IQSEC3: variants seen among roughly 807,000 people sequenced by gnomAD.
IQSEC3 encodes IQ motif and Sec7 domain ArfGEF 3.
IQSEC3 carries 50 observed loss-of-function variants against 105.4 expected under a neutral mutation model. The observed-to-expected ratio is 0.47, with a 90% CI of 0.38 to 0.60. The LOEUF (loss-of-function observed/expected upper bound fraction) is 0.60, where lower values mean the gene tolerates loss of function less well. Ranked by LOEUF, IQSEC3 falls within the 20% of genes least tolerant of loss-of-function variation. The pLI, the probability that IQSEC3 is intolerant of heterozygous loss-of-function variation, is 0.00. For synonymous variants in IQSEC3, 708 were observed against 746.0 expected (o/e 0.95, Z 0.83); for missense variants, 1,415 against 1,630.0 (o/e 0.87, Z 2.27).
intron 3 of IQSEC3, among the ~76,000 whole-genome samples, chr12:127,931 A>G (rs149593271): frequency 1.3e-3 from 197 of 152,290 alleles, no homozygotes; most frequent in African/African-American, 4.4e-3. Context: ...GCACACATCT[A>G]TAGGAGACTG....
Position 175,061 on chromosome 12 carries a change from G to C in IQSEC3, c.*28G>C, listed in dbSNP as rs761031303. Reference sequence around the variant, plus strand: ...TCTGCCCCACCACCCTGCTGTCCTGGGAGGGCTGGCCACTGGGGGGCCTGG... The same window carrying C: ...TCTGCCCCACCACCCTGCTGTCCTGCGAGGGCTGGCCACTGGGGGGCCTGG... On this transcript the variant is annotated 3_prime_UTR_variant, in exon 14 of 14. Transcript: ENST00000538872. 6.1e-6 allele frequency: 9 copies of C among 1,480,082 alleles called. No individual in the cohort carries two copies. The highest frequency in any genetic ancestry group is 2.8e-5 in the African/African-American group (2 of 71,560). 91.7% of individuals were successfully genotyped at this position (1,480,082 alleles called of 1,614,324 possible). A position where few individuals can be genotyped will look rare whatever the true frequency, so the allele number is the denominator to read the frequency against.
intron 1 of IQSEC3, among the ~76,000 whole-genome samples, chr12:75,505 T>A (rs1555068779): frequency 6.6e-6 from 1 of 152,130 alleles, no homozygotes; most frequent in Non-Finnish European, 1.5e-5. Flanking sequence ...AAGAGCATCA[T>A]GATGTGTGAT....
At chr12:129,145 G>T (rs1463890865) in intron 3 of IQSEC3, among the ~76,000 whole-genome samples, 1 of 152,370 alleles carries the variant, frequency 6.6e-6, no homozygotes, top group African/African-American at 2.4e-5. Context: ...CTGTCTGGGA[G>T]TGGGAGCTGT....
intron 5 of IQSEC3, 51 bp downstream of exon 5, chr12:141,336 GC>G: frequency 6.4e-7 from 1 of 1,572,234 alleles, no homozygotes. Flanking sequence ...CACCCCACCT[GC>G]CCGGGCTCTC....
chr12:107,855 C>T (rs1284744607), intron 2 of IQSEC3, among the ~76,000 whole-genome samples: 2 of 152,110 alleles, frequency 1.3e-5, no homozygotes, highest in Non-Finnish European at 2.9e-5. Context: ...CCAGTGACCT[C>T]CCTTACAGAG....
chr12:165,364 G>A, intron 9 of IQSEC3, 70 bp from the exon 10 acceptor site: 1 of 1,146,696 alleles, frequency 8.7e-7, no homozygotes, highest in Non-Finnish European at 1.3e-6. Flanking sequence ...GCATCCCCCG[G>A]GTGTTTGTGC....
intron 3 of IQSEC3, among the ~76,000 whole-genome samples, chr12:132,227 G>A (rs1192388118): frequency 2.6e-5 from 4 of 152,146 alleles, no homozygotes; most frequent in Admixed American, 2.0e-4. Context: ...GAGCATTGCA[G>A]GCTGGGAGAG....
At chr12:157,899 A>T (rs1866751241) in intron 7 of IQSEC3, among the ~76,000 whole-genome samples, 1 of 152,252 alleles carries the variant, frequency 6.6e-6, no homozygotes, top group South Asian at 2.1e-4. Context: ...CCACCGCTCT[A>T]CCAAACAGCA....
chr12:90,131 C>G (rs1864036570), intron 1 of IQSEC3, among the ~76,000 whole-genome samples: 2 of 152,210 alleles, frequency 1.3e-5, no homozygotes, highest in South Asian at 4.1e-4. Flanking sequence ...GTAATAGTAT[C>G]TGCTTGTGGT....
chr12:137,903 A>G (rs925219974), intron 3 of IQSEC3, among the ~76,000 whole-genome samples: 19 of 151,822 alleles, frequency 1.3e-4, no homozygotes, highest in African/African-American at 4.3e-4. Context: ...AGCTCAAGCA[A>G]TCTTCTCTCC....
chr12:98,523 G>T (rs1298474402), intron 1 of IQSEC3, among the ~76,000 whole-genome samples: 3 of 152,194 alleles, frequency 2.0e-5, no homozygotes, highest in African/African-American at 4.8e-5. Flanking sequence ...CCCAGAAAAG[G>T]TTAGCCTCGT....
chr12:70,209 CT>C (rs1472643632), intron 1 of IQSEC3, among the ~76,000 whole-genome samples: 2 of 152,262 alleles, frequency 1.3e-5, no homozygotes, highest in African/African-American at 2.4e-5. Context: ...CACAGTTTGA[CT>C]TTTATCCCCA....
At position 175,117 on chromosome 12, in the gene IQSEC3, C is replaced by A; in HGVS notation, c.*84C>A. ...CCCTCCACTGCTCCCCATACCCTGG[C>A]ACGATGCGTTCCTGGTCACTGATCA... On this transcript the variant is annotated 3_prime_UTR_variant, in exon 14 of 14. Coordinates refer to ENST00000538872, the MANE Select transcript of IQSEC3 (RefSeq NM_001170738.2). 1.9e-6 allele frequency: 2 copies of A among 1,050,486 alleles called. No homozygotes were observed. Among genetic ancestry groups the A allele is most frequent in the Non-Finnish European group, 1.3e-6 (1 of 749,340 alleles). 65.1% of individuals were successfully genotyped at this position (1,050,486 alleles called of 1,614,324 possible). A position where few individuals can be genotyped will look rare whatever the true frequency, so the allele number is the denominator to read the frequency against.
chr12:92,378 T>C (rs1223995663), intron 1 of IQSEC3, among the ~76,000 whole-genome samples: 1 of 152,172 alleles, frequency 6.6e-6, no homozygotes, highest in African/African-American at 2.4e-5. Context: ...GGCCACAGCC[T>C]TGGGCTGTGG....
chr12:166,366 T>G, intron 11 of IQSEC3: 1 of 160,406 alleles, frequency 6.2e-6, no homozygotes, highest in Non-Finnish European at 1.4e-5. Flanking sequence ...AACATTGTCC[T>G]TTTGAAGAGT....
chr12:143,957 A>AGAGCAAGG (rs1307079608), intron 5 of IQSEC3: 2 of 153,754 alleles, frequency 1.3e-5, no homozygotes, highest in African/African-American at 4.8e-5. Flanking sequence ...GAGAGTGAGA[A>AGAGCAAGG]GAGCAAGGGG....
chr12:121,022 G>A (rs1565410512), intron 2 of IQSEC3, among the ~76,000 whole-genome samples: 1 of 152,008 alleles, frequency 6.6e-6, no homozygotes, highest in African/African-American at 2.4e-5. Flanking sequence ...TGCAGCCTAA[G>A]AGAGTGGAGA....
chr12:96,536 A>G (rs1864247204), intron 1 of IQSEC3, among the ~76,000 whole-genome samples: 1 of 152,250 alleles, frequency 6.6e-6, no homozygotes, highest in Admixed American at 6.5e-5. Flanking sequence ...GCCAATATAT[A>G]TAAAAGAAAT....
intron 2 of IQSEC3, among the ~76,000 whole-genome samples, chr12:117,439 G>C (rs1865083824): frequency 6.6e-6 from 1 of 152,256 alleles, no homozygotes; most frequent in Non-Finnish European, 1.5e-5. Flanking sequence ...GCCCAGCCTG[G>C]GAGGCTATGA....
Sources: gnomAD v4.1 joint callset for allele counts (sites outside exome capture counted in the v4.1 genomes callset) on GRCh38, gnomAD v4.1.1 for gene constraint, MANE v1.5 for transcripts, NCBI Gene and HGNC (gene_info 2026-07-23, HGNC 2026-07-21) for gene names.